SUPT16H: variants seen among roughly 807,000 people sequenced by gnomAD.
SUPT16H encodes FACT complex subunit SPT16.
In SUPT16H, 24 loss-of-function variants were observed where a neutral mutation model predicts 136.2. The ratio of observed to expected loss-of-function variants is 0.18; its 90% CI spans 0.13 to 0.25. SUPT16H has a LOEUF of 0.25. Among genes scored for constraint, SUPT16H ranks in the 10% least tolerant of loss-of-function variants. SUPT16H has a pLI of 1.00. For missense variants in SUPT16H, 623 were observed against 1,270.2 expected (o/e 0.49, Z 7.74); for synonymous variants, 415 against 428.2 (o/e 0.97, Z 0.38).
chr14:21,372,840 C>A, intron 2 of SUPT16H: 1 of 340,982 alleles, frequency 2.9e-6, no homozygotes, highest in Non-Finnish European at 5.6e-6. Flanking sequence ...ACTGCTAAAT[C>A]CAATTGAACT....
At chr14:21,370,589 A>AT in intron 3 of SUPT16H, 101 bp from the exon 4 acceptor site, 1 of 1,314,494 alleles carries the variant, frequency 7.6e-7, no homozygotes, top group Admixed American at 2.2e-5. Context: ...TACGGAAAAA[A>AT]TTAATTCTCC....
At chr14:21,368,135 T>A in intron 7 of SUPT16H, 134 bp downstream of exon 7, 1 of 867,708 alleles carries the variant, frequency 1.2e-6, no homozygotes, top group South Asian at 1.7e-5. Context: ...CCCAGGCTGG[T>A]CTTGAACTCC....
intron 22 of SUPT16H, among the ~76,000 whole-genome samples, chr14:21,356,394 A>G (rs1886434942): frequency 6.6e-6 from 1 of 152,178 alleles, no homozygotes; most frequent in Non-Finnish European, 1.5e-5. Flanking sequence ...AGATCTCACA[A>G]TCCACAGGGC....
chr14:21,353,399 C>A, intron 25 of SUPT16H, 89 bp downstream of exon 25: 4 of 1,284,798 alleles, frequency 3.1e-6, no homozygotes, highest in South Asian at 1.3e-5. Context: ...ACTTTCATTA[C>A]GCCATCAATA....
chr14:21,380,821 C>T (rs1430089553), intron 1 of SUPT16H, among the ~76,000 whole-genome samples: 2 of 152,040 alleles, frequency 1.3e-5, no homozygotes, highest in Non-Finnish European at 2.9e-5. Flanking sequence ...CTCAAGGCAG[C>T]TGGAACCCTG....
At chr14:21,380,140 C>T (rs1467990398) in intron 1 of SUPT16H, among the ~76,000 whole-genome samples, 1 of 151,798 alleles carries the variant, frequency 6.6e-6, no homozygotes, top group East Asian at 1.9e-4. Context: ...ACACTATATT[C>T]GGTATTATAA....
Position 21,365,089 on chromosome 14 carries a change from A to G in SUPT16H, c.1101T>C (p.Asn367=). The change falls in exon 9 of 26, where the codon AAT becomes AAC. Residue 367 remains asparagine, a synonymous_variant. Coordinates refer to ENST00000216297, the MANE Select transcript of SUPT16H (RefSeq NM_007192.4). ...REGSLVINSK[N]QYKLKKGMVF... ...ACTTACCTTTCTTCAGTTTGTATTG[A>G]TTTTTGCTATTGATTACTAGGGAGC... 6.2e-7 allele frequency: 1 copy of G among 1,613,888 alleles called. No individual in the cohort carries two copies. The highest frequency in any genetic ancestry group is 8.5e-7 in the Non-Finnish European group (1 of 1,179,880).
At chr14:21,365,234 C>T (rs969770937) in intron 8 of SUPT16H, 91 bp from the exon 9 acceptor site, 31 of 1,214,216 alleles carry the variant, frequency 2.6e-5, no homozygotes, top group Non-Finnish European at 3.7e-5. Context: ...CACAATAAGA[C>T]AGGCAAACAT....
At chr14:21,362,162 G>C (rs1449975811) in intron 15 of SUPT16H, 35 bp downstream of exon 15, 1 of 1,602,732 alleles carries the variant, frequency 6.2e-7, no homozygotes, top group South Asian at 1.1e-5. Context: ...CTCCAGACAA[G>C]ATGAATCTGG....
At chr14:21,363,971 G>A (rs1056772237) in intron 10 of SUPT16H, among the ~76,000 whole-genome samples, 2 of 152,076 alleles carry the variant, frequency 1.3e-5, no homozygotes, top group African/African-American at 4.8e-5. Flanking sequence ...GAGCCACTGC[G>A]CCCAGCCAAG....
In SUPT16H at chr14:21,352,717, C is replaced by T. The variant is rs751795382; in HGVS notation, c.3100G>A (p.Gly1034Ser). The T allele has an allele frequency of 1.2e-6, 2 of 1,614,050 alleles. No homozygotes were observed. The highest frequency in any genetic ancestry group is 1.1e-5 in the South Asian group (1 of 91,066). ...VHSSGRGSNR[G>S]SRHSSAPPKK... ...GGGGGTGCAGAGCTGTGTCTGGAACCACGGTTAGAGCCACGGCCCGAACTG... is the reference window on the plus strand; with the variant it reads ...GGGGGTGCAGAGCTGTGTCTGGAACTACGGTTAGAGCCACGGCCCGAACTG... Residue 1034 changes from glycine (G) to serine (S), a missense_variant, in exon 26 of 26, where the codon GGT becomes AGT. This residue lies in a region of SUPT16H where 88 missense variants were observed against 135.5 expected (regional missense o/e 0.65). Transcript: ENST00000216297.
chr14:21,359,437 T>C, intron 19 of SUPT16H, 47 bp downstream of exon 19: 1 of 1,598,454 alleles, frequency 6.3e-7, no homozygotes, highest in East Asian at 2.2e-5. Flanking sequence ...GGATTTGGCC[T>C]CATCCTCCCT....
In SUPT16H at chr14:21,366,527, C is replaced by A; in HGVS notation, c.958G>T (p.Val320Leu). 1 of 1,612,100 alleles carries A rather than the reference C, an allele frequency of 6.2e-7. No individual in the cohort carries two copies. The highest frequency in any genetic ancestry group is 8.5e-7 in the Non-Finnish European group (1 of 1,179,396). ...GCGTTATACACGTCACATATCTTCA[C>A]ACCTAATAACAAGACACAAAGGAGA... ...EELLKELRHG[V>L]KICDVYNAVM... The change falls in exon 8 of 26, where the codon GTG becomes TTG. Residue 320 changes from valine to leucine, a missense_variant and splice_region_variant. By Grantham distance (32) the Val-to-Leu change is conservative. Transcript: ENST00000216297.
Position 21,375,145 on chromosome 14 carries a change from C to G in SUPT16H, c.67-1715G>C, listed in dbSNP as rs187112869. Among the ~76,000 whole-genome samples, 447 of 151,978 alleles carry G rather than the reference C, an allele frequency of 2.9e-3. 3 individuals are homozygous for G. The highest frequency in any genetic ancestry group is 4.2e-3 in the Non-Finnish European group (282 of 67,932). On this transcript the variant is annotated intron_variant, in intron 1 of 25. Coordinates refer to ENST00000216297, the MANE Select transcript of SUPT16H (RefSeq NM_007192.4). Reference sequence around the variant, plus strand: ...TCTTGTGCCTCAGCCTCCCAAGTAGCGGGACTTCAGGTATGCACCACCACG... The same window carrying G: ...TCTTGTGCCTCAGCCTCCCAAGTAGGGGGACTTCAGGTATGCACCACCACG...
chr14:21,363,541 A>G (rs1369743531), intron 10 of SUPT16H, 38 bp from the exon 11 acceptor site: 4 of 1,582,658 alleles, frequency 2.5e-6, no homozygotes, highest in Non-Finnish European at 3.4e-6. Context: ...ATTATTTAAA[A>G]GAGGCAATTT....
Position 21,362,829 on chromosome 14 carries a change from C to T in SUPT16H, c.1630G>A (p.Gly544Ser). Residue 544 changes from glycine (G) to serine (S), a missense_variant, in exon 14 of 26, where the codon GGC becomes AGC. By Grantham distance (56) the Gly-to-Ser change is moderately conservative. Coordinates refer to ENST00000216297, the MANE Select transcript of SUPT16H (RefSeq NM_007192.4). ...GCAATGTGAAACGGTGTTGCAATGC[C>T]AAACACGGGCATTATTACAGTCTCA... ...KYETVIMPVF[G>S]IATPFHIATI... 1 of 1,611,942 alleles carries T rather than the reference C, an allele frequency of 6.2e-7. No homozygotes were observed. The highest frequency in any genetic ancestry group is 8.5e-7 in the Non-Finnish European group (1 of 1,179,528).
At chr14:21,383,665 C>A (rs1253109848) in intron 1 of SUPT16H, 197 bp downstream of exon 1, 4 of 721,308 alleles carry the variant, frequency 5.5e-6, no homozygotes, top group African/African-American at 1.7e-5. Context: ...GGCCGCAGGA[C>A]AGGGTGAATG....
intron 6 of SUPT16H, 45 bp from the exon 7 acceptor site, chr14:21,368,486 CA>C: frequency 6.4e-7 from 1 of 1,561,206 alleles, no homozygotes; most frequent in Non-Finnish European, 8.7e-7. Context: ...CCAAAACTAG[CA>C]AAGTCCTTGG....
In SUPT16H at chr14:21,357,987, G is replaced by A. The variant is rs1301015384; in HGVS notation, c.2430C>T (p.Pro810=). The A allele has an allele frequency of 6.2e-7, 1 of 1,613,604 alleles. No individual in the cohort carries two copies. Among genetic ancestry groups the A allele is most frequent in the East Asian group, 2.2e-5 (1 of 44,860 alleles). The change falls in exon 21 of 26, where the codon CCC becomes CCT. Residue 810 remains proline (P), a synonymous_variant. Coordinates refer to ENST00000216297, the MANE Select transcript of SUPT16H (RefSeq NM_007192.4). ...GCTGAAGGAGGCAGGTACTCCTATA[G>A]GGAGCTCCGTTAAATCTGGAAGAGA... is the stretch of plus-strand genomic sequence containing the variant. ...PFRDLGFNGA[P]YRSTCLLQPT...
Sources: allele counts gnomAD v4.1 joint callset (sites outside exome capture counted in the v4.1 genomes callset), GRCh38; gene constraint gnomAD v4.1.1; regional missense constraint gnomAD v4.1.1; transcripts MANE v1.5; gene names NCBI Gene and HGNC (gene_info 2026-07-23, HGNC 2026-07-21).